Variants in IGF2BP2 observed in about 807,000 individuals in gnomAD.
IGF2BP2 encodes the protein insulin like growth factor 2 mRNA binding protein 2, also known as insulin-like growth factor 2 mRNA-binding protein 2.
IGF2BP2 carries 17 observed loss-of-function variants against 75.8 expected under a neutral mutation model. That is an observed-to-expected ratio of 0.22 (90% CI 0.15 to 0.34). IGF2BP2 has a LOEUF of 0.34. Ranked by LOEUF, IGF2BP2 falls within the 10% of genes least tolerant of loss-of-function variation. The pLI, the probability that IGF2BP2 is intolerant of heterozygous loss-of-function variation, is 1.00. For missense variants in IGF2BP2, 516 were observed against 772.4 expected, an observed-to-expected ratio of 0.67 and a Z score of 3.93; for synonymous variants, 288 against 295.6, an observed-to-expected ratio of 0.97 and a Z score of 0.26.
chr3:185,790,083 G>A (rs748259772), intron 2 of IGF2BP2, among the ~76,000 whole-genome samples: 35 of 152,064 alleles, frequency 2.3e-4, no homozygotes, highest in African/African-American at 8.2e-4. Context: ...TGACCTAGAC[G>A]ACAATGTGCA....
At chr3:185,692,898 G>A (rs1437736118) in intron 4 of IGF2BP2, 136 bp from the exon 5 acceptor site, 37 of 696,616 alleles carry the variant, frequency 5.3e-5, no homozygotes, top group Non-Finnish European at 7.6e-5. Context: ...GCATCTCTAC[G>A]TTTATTCATC....
chr3:185,774,604 A>G (rs555793312), intron 2 of IGF2BP2, among the ~76,000 whole-genome samples: 3 of 151,078 alleles, frequency 2.0e-5, no homozygotes, highest in Non-Finnish European at 4.4e-5. Context: ...CAAAAAAAAA[A>G]AAAGAAAAGA....
intron 2 of IGF2BP2, among the ~76,000 whole-genome samples, chr3:185,710,193 T>C (rs1037021852): frequency 4.4e-5 from 6 of 137,722 alleles, no homozygotes; most frequent in Non-Finnish European, 7.7e-5. Context: ...GTGAACCTAA[T>C]ATCTTTAAAT....
intron 2 of IGF2BP2, among the ~76,000 whole-genome samples, chr3:185,719,829 G>A (rs1726228057): frequency 6.6e-6 from 1 of 151,816 alleles, no homozygotes; most frequent in African/African-American, 2.4e-5. Context: ...GCGAGACTCT[G>A]TCTCAAAAAA....
intron 10 of IGF2BP2, among the ~76,000 whole-genome samples, chr3:185,669,574 A>AAAGG (rs1322137606): frequency 1.6e-5 from 2 of 124,448 alleles, no homozygotes; most frequent in African/African-American, 5.8e-5. Context: ...AAAAAAAAAA[A>AAAGG]GGGGGGGGGG....
In IGF2BP2 at chr3:185,687,186, T is replaced by C. The variant is rs760562120; in HGVS notation, c.683A>G (p.Asp228Gly). Residue 228 changes from aspartate (D) to glycine (G), a missense_variant, in exon 7 of 16, where the codon GAT becomes GGT. By Grantham distance (94) the Asp-to-Gly change is moderately conservative (BLOSUM62 -1). Coordinates refer to ENST00000382199, the MANE Select transcript of IGF2BP2 (RefSeq NM_006548.6). ...TCCAGAGTTCTCTTTTCTATGGATA[T>C]CTACCCTGTAGGAAAAGAATCAGGA... is the stretch of plus-strand genomic sequence containing the variant. ...NITKQTQSRV[D>G]IHRKENSGAA... 6.2e-7 allele frequency: 1 copy of C among 1,605,912 alleles called. No homozygotes were observed. The highest frequency in any genetic ancestry group is 8.5e-7 in the Non-Finnish European group (1 of 1,178,206).
intron 2 of IGF2BP2, among the ~76,000 whole-genome samples, chr3:185,759,063 T>C (rs548195917): frequency 2.0e-5 from 3 of 152,348 alleles, no homozygotes; most frequent in East Asian, 1.9e-4. Flanking sequence ...ACACACCTAG[T>C]AGACACACAA....
chr3:185,823,536 G>A (rs1369970605), intron 1 of IGF2BP2, among the ~76,000 whole-genome samples: 1 of 152,180 alleles, frequency 6.6e-6, no homozygotes, highest in Non-Finnish European at 1.5e-5. Flanking sequence ...TGCAGGGCTG[G>A]CGCGGCCCCG....
rs143707695 is a variant in IGF2BP2, at chr3:185,725,586, C to T, written c.240-27239G>A. Among the ~76,000 whole-genome samples, 26 of 152,062 alleles carry T rather than the reference C, an allele frequency of 1.7e-4. 1 individual carries two copies. Among genetic ancestry groups the T allele is most frequent in the African/African-American group, 6.0e-4 (25 of 41,458 alleles). ...ATATTGTTTTTTTCTGGTGGATAGT[C>T]GGGGTAGAGGAGAGGAGGTAAATTC... On this transcript the variant is annotated intron_variant, in intron 2 of 15. Transcript: ENST00000382199.
intron 1 of IGF2BP2, among the ~76,000 whole-genome samples, chr3:185,824,013 G>A (rs1741706697): frequency 6.6e-6 from 1 of 152,204 alleles, no homozygotes; most frequent in South Asian, 2.1e-4. Flanking sequence ...CCGAGCGGGA[G>A]GCGGGGGGAC....
At chr3:185,664,083 C>T (rs570842659) in intron 10 of IGF2BP2, among the ~76,000 whole-genome samples, 57 of 152,292 alleles carry the variant, frequency 3.7e-4, no homozygotes, top group Non-Finnish European at 7.6e-4. Flanking sequence ...TTCTAAGATG[C>T]AGAAGGTGCA....
intron 1 of IGF2BP2, among the ~76,000 whole-genome samples, chr3:185,823,848 G>A (rs1365620718): frequency 1.3e-5 from 2 of 151,732 alleles, no homozygotes; most frequent in Non-Finnish European, 2.9e-5. Context: ...GGGGAGAGTT[G>A]GGGAGTGCGC....
chr3:185,658,053 C>T (rs1715735812), intron 11 of IGF2BP2, among the ~76,000 whole-genome samples: 1 of 152,176 alleles, frequency 6.6e-6, no homozygotes, highest in Non-Finnish European at 1.5e-5. Flanking sequence ...GCCAACAGCA[C>T]GTGCTCATCT....
intron 2 of IGF2BP2, among the ~76,000 whole-genome samples, chr3:185,742,956 G>A (rs1395711978): frequency 1.3e-5 from 2 of 151,838 alleles, no homozygotes; most frequent in African/African-American, 4.8e-5. Context: ...AAAATTAGCT[G>A]AGCATGGTGG....
chr3:185,736,575 T>C (rs1578146574), intron 2 of IGF2BP2, among the ~76,000 whole-genome samples: 1 of 152,204 alleles, frequency 6.6e-6, no homozygotes, highest in Non-Finnish European at 1.5e-5. Context: ...TTTCCTCCAC[T>C]GGAATAGGCC....
At chr3:185,649,820 G>T (rs998510104) in intron 13 of IGF2BP2, among the ~76,000 whole-genome samples, 7 of 152,298 alleles carry the variant, frequency 4.6e-5, no homozygotes, top group South Asian at 2.1e-4. Flanking sequence ...CAGGGCTAAG[G>T]GGATGGGTGA....
intron 2 of IGF2BP2, among the ~76,000 whole-genome samples, chr3:185,797,434 G>T (rs1407109701): frequency 6.6e-6 from 1 of 152,256 alleles, no homozygotes; most frequent in African/African-American, 2.4e-5. Context: ...ACACCCCAAA[G>T]AGAACATCTG....
rs1310171539 is a variant in IGF2BP2 at position 185,655,837 on chromosome 3, CT to C, written c.1386+1448del. ...AAATCTTGGCTCTCTCATTCTTCAG[CT>C]TTGTGGCCTTGGACAAGCCAGTGAA... is the stretch of plus-strand genomic sequence containing the variant. On this transcript the variant is annotated intron_variant, in intron 12 of 15. Transcript: ENST00000382199. Among the ~76,000 whole-genome samples the C allele has an allele frequency of 7.9e-5, 12 of 152,354 alleles. No homozygotes were observed. The South Asian group carries it at 2.5e-3, about 32-fold the overall frequency.
rs79216826 is a variant in IGF2BP2, at chr3:185,745,807, C to T, written c.240-47460G>A. On this transcript the variant is annotated intron_variant, in intron 2 of 15. Coordinates refer to ENST00000382199, the MANE Select transcript of IGF2BP2 (RefSeq NM_006548.6). Reference sequence around the variant, plus strand: ...CTGCCCAACAGGTTGAAATATCACTCGCACCATTTCGTATTGTGAATGCCA... The same window carrying T: ...CTGCCCAACAGGTTGAAATATCACTTGCACCATTTCGTATTGTGAATGCCA... 2.3e-3 allele frequency among the ~76,000 whole-genome samples: 350 copies of T among 152,060 alleles called. 1 individual carries two copies. The highest frequency in any genetic ancestry group is 8.0e-3 in the African/African-American group (330 of 41,412).
Sources: allele counts gnomAD v4.1 joint callset (sites outside exome capture counted in the v4.1 genomes callset), GRCh38; gene constraint gnomAD v4.1.1; transcripts MANE v1.5; gene names NCBI Gene and HGNC (gene_info 2026-07-23, HGNC 2026-07-21).